Variants in RHBDD1 observed in about 807,000 individuals in gnomAD.
RHBDD1 encodes rhomboid domain containing 1, also known as rhomboid-related protein 4.
In RHBDD1, 38 loss-of-function variants were observed where a neutral mutation model predicts 36.3. That is an observed-to-expected ratio of 1.05 (90% CI 0.81 to 1.37). The LOEUF (loss-of-function observed/expected upper bound fraction) is 1.37, where lower values mean the gene tolerates loss of function less well. Ranked by LOEUF, RHBDD1 falls within the 40% of genes most tolerant of loss-of-function variation. The pLI, the probability that RHBDD1 is intolerant of heterozygous loss-of-function variation, is 0.00. For missense variants in RHBDD1, 393 were observed against 377.6 expected, an observed-to-expected ratio of 1.04 and a Z score of -0.34; for synonymous variants, 151 against 136.5, an observed-to-expected ratio of 1.11 and a Z score of -0.74.
intron 3 of RHBDD1, among the ~76,000 whole-genome samples, chr2:226,840,857 G>A (rs1037881839): frequency 6.6e-5 from 10 of 151,546 alleles, no homozygotes; most frequent in African/African-American, 1.9e-4. Flanking sequence ...GTGTGTATGT[G>A]TGTTTTGGCA....
Position 226,899,812 on chromosome 2 carries a change from A to C in RHBDD1, c.567-6981A>C, listed in dbSNP as rs148005290. Among the ~76,000 whole-genome samples, 12 of 152,348 alleles carry C rather than the reference A, an allele frequency of 7.9e-5. No individual in the cohort carries two copies. The East Asian group carries it at 2.3e-3, about 29-fold the overall frequency. On this transcript the variant is annotated intron_variant, in intron 5 of 8. Transcript: ENST00000392062. Reference sequence around the variant, plus strand: ...TCAAATATTAACTGAAAGAACTATGAAACATTGTATTTTGGCAAGGAGGAA... The same window carrying C: ...TCAAATATTAACTGAAAGAACTATGCAACATTGTATTTTGGCAAGGAGGAA...
At chr2:226,971,732 T>G (rs940649410) in intron 8 of RHBDD1, among the ~76,000 whole-genome samples, 2 of 152,196 alleles carry the variant, frequency 1.3e-5, no homozygotes, top group Non-Finnish European at 2.9e-5. Context: ...TTTGTTTTCT[T>G]TAGAATACTG....
At chr2:226,937,737 T>C (rs1359515388) in intron 8 of RHBDD1, among the ~76,000 whole-genome samples, 1 of 152,198 alleles carries the variant, frequency 6.6e-6, no homozygotes, top group East Asian at 1.9e-4. Context: ...GATAATGGCC[T>C]CCAGCTTCAC....
chr2:226,989,585 T>G (rs925249465), intron 8 of RHBDD1, among the ~76,000 whole-genome samples: 1 of 152,188 alleles, frequency 6.6e-6, no homozygotes, highest in Non-Finnish European at 1.5e-5. Flanking sequence ...CCACAAATAT[T>G]CTTTGTCTCT....
upstream of RHBDD1, chr2:226,835,853 G>A (rs1271944335): frequency 6.6e-6 from 1 of 152,434 alleles, no homozygotes; most frequent in East Asian, 1.9e-4. Context: ...GCTCTGCCGC[G>A]GTCCTGCCCC....
chr2:226,904,581 T>C (rs1947890822), intron 5 of RHBDD1, among the ~76,000 whole-genome samples: 1 of 152,208 alleles, frequency 6.6e-6, no homozygotes, highest in African/African-American at 2.4e-5. Context: ...ATGTGAGGGC[T>C]TGTCTGGGCA....
chr2:226,907,833 G>T (rs925367601), intron 6 of RHBDD1, among the ~76,000 whole-genome samples: 13 of 152,294 alleles, frequency 8.5e-5, no homozygotes, highest in African/African-American at 3.1e-4. Context: ...AGAGGAGGCA[G>T]TGGGAGCTTC....
At chr2:226,882,195 C>T (rs1052600115) in intron 5 of RHBDD1, among the ~76,000 whole-genome samples, 4 of 151,836 alleles carry the variant, frequency 2.6e-5, no homozygotes, top group African/African-American at 4.8e-5. Flanking sequence ...TTTGGGAGGC[C>T]GAGGCGGGTG....
intron 8 of RHBDD1, among the ~76,000 whole-genome samples, chr2:226,977,570 A>G (rs1954831038): frequency 6.6e-6 from 1 of 152,186 alleles, no homozygotes; most frequent in South Asian, 2.1e-4. Context: ...GTGAACCGTG[A>G]AACACCATCC....
At chr2:226,806,067 C>T in the RHBDD1 span, among the ~76,000 whole-genome samples, 4 of 152,154 alleles carry the variant, frequency 2.6e-5, no homozygotes, top group South Asian at 2.1e-4. Context: ...GCAAGGTTAA[C>T]GAACATCTCT....
Position 226,914,334 on chromosome 2 carries a change from C to G in RHBDD1, c.839C>G (p.Ala280Gly), listed in dbSNP as rs747440522. The G allele has an allele frequency of 1.2e-5, 20 of 1,613,136 alleles. No individual in the cohort carries two copies. In the Admixed American group the frequency reaches 3.3e-4, roughly 27 times the overall value. ...GAACAGCTCGAGAGAGCATTACAAGCCAGCCTCTGGGACCGAGGTAGGAGT... is the reference window on the plus strand; with the variant it reads ...GAACAGCTCGAGAGAGCATTACAAGGCAGCCTCTGGGACCGAGGTAGGAGT... ...EEEQLERALQASLWDRGNTRN... is the reference protein window; with the variant it reads ...EEEQLERALQGSLWDRGNTRN... The change falls in exon 8 of 9, where the codon GCC becomes GGC. Residue 280 changes from alanine to glycine, a missense_variant. Transcript: ENST00000392062.
At chr2:226,862,042 A>G (rs1367695706) in intron 3 of RHBDD1, among the ~76,000 whole-genome samples, 2 of 152,214 alleles carry the variant, frequency 1.3e-5, no homozygotes, top group African/African-American at 4.8e-5. Flanking sequence ...ATATATATAC[A>G]CATGCATAAT....
intron 8 of RHBDD1, among the ~76,000 whole-genome samples, chr2:226,971,992 C>T (rs1953610995): frequency 2.0e-5 from 3 of 151,820 alleles, no homozygotes; most frequent in South Asian, 2.1e-4. Context: ...ACATGTGCCA[C>T]GGTGGTTTGC....
At chr2:226,882,577 G>C (rs189913740) in intron 5 of RHBDD1, among the ~76,000 whole-genome samples, 111 of 151,538 alleles carry the variant, frequency 7.3e-4, no homozygotes, top group African/African-American at 2.6e-3. Flanking sequence ...ACTGGACTTA[G>C]ATTGGCAGAA....
intron 8 of RHBDD1, among the ~76,000 whole-genome samples, chr2:226,985,497 T>G (rs1396649953): frequency 6.6e-6 from 1 of 152,386 alleles, no homozygotes; most frequent in East Asian, 1.9e-4. Context: ...TCAGCAGATT[T>G]AATGTCATAG....
At chr2:226,988,489 C>G (rs1957490265) in intron 8 of RHBDD1, 1 of 1,540,440 alleles carries the variant, frequency 6.5e-7, no homozygotes. Context: ...TGGAGTTGAG[C>G]AAAGACTCAG....
At position 226,997,733 on chromosome 2, in the gene RHBDD1, AC is replaced by A. The variant is rs1166170267; in HGVS notation, c.*2212del. On this transcript the variant is annotated 3_prime_UTR_variant, in exon 9 of 9. Coordinates refer to ENST00000392062, the MANE Select transcript of RHBDD1 (RefSeq NM_001167608.3). ...AGATTTTGGGTGGTAAAATTGTGAT[AC>A]GCATGGCTGTTGATGGAGTGGAACA... is the stretch of plus-strand genomic sequence containing the variant. 6.6e-6 allele frequency: 1 copy of A among 152,240 alleles called. No individual in the cohort carries two copies. The highest frequency in any genetic ancestry group is 2.4e-5 in the African/African-American group (1 of 41,476). 9.4% of individuals were successfully genotyped at this position (152,240 alleles called of 1,614,324 possible). A position where few individuals can be genotyped will look rare whatever the true frequency, so the allele number is the denominator to read the frequency against.
rs188644128 is a variant in RHBDD1, at chr2:226,971,369, G to A, written c.857-24062G>A. ...GTCGAAGGACGTCTGAACCCTTAGCGGGCTCATTTCCTTTGCACTGTCATC... is the reference window on the plus strand; with the variant it reads ...GTCGAAGGACGTCTGAACCCTTAGCAGGCTCATTTCCTTTGCACTGTCATC... On this transcript the variant is annotated intron_variant, in intron 8 of 8. Transcript: ENST00000392062. 1.2e-3 allele frequency among the ~76,000 whole-genome samples: 179 copies of A among 152,276 alleles called. 1 individual carries two copies. The highest frequency in any genetic ancestry group is 3.9e-3 in the African/African-American group (162 of 41,556).
intron 3 of RHBDD1, among the ~76,000 whole-genome samples, chr2:226,840,884 G>T (rs1030002200): frequency 8.1e-5 from 12 of 148,146 alleles, no homozygotes; most frequent in African/African-American, 2.7e-4. Context: ...TATAATTTGG[G>T]TTTTTTTTTT....
Sources: allele counts gnomAD v4.1 joint callset (sites outside exome capture counted in the v4.1 genomes callset), GRCh38; gene constraint gnomAD v4.1.1; transcripts MANE v1.5; gene names NCBI Gene and HGNC (gene_info 2026-07-23, HGNC 2026-07-21).